The following ANKRD26 variants were observed in gnomAD, a reference collection of about 807,000 sequenced individuals.
The protein encoded by ANKRD26 is ankyrin repeat domain-containing protein 26.
ANKRD26 carries 141 observed loss-of-function variants against 208.7 expected under a neutral mutation model. The observed-to-expected ratio is 0.68, with a 90% CI of 0.59 to 0.78. ANKRD26 has a LOEUF of 0.78. ANKRD26 is among the 30% of genes least tolerant of loss of function. The pLI is 0.00. For missense variants in ANKRD26, 1,889 were observed against 1,938.7 expected (o/e 0.97, Z 0.48); for synonymous variants, 636 against 660.4 (o/e 0.96, Z 0.57).
At position 27,093,796 on chromosome 10, in the gene ANKRD26, C is replaced by T. The variant is rs753870421; in HGVS notation, c.246G>A (p.Thr82=). 24 of 1,612,738 alleles carry T rather than the reference C, an allele frequency of 1.5e-5. No individual in the cohort carries two copies. The Admixed American group carries it at 2.2e-4, about 15-fold the overall frequency. The change falls in exon 2 of 34, where the codon ACG becomes ACA. Residue 82 remains threonine (T), a synonymous_variant. Coordinates refer to ENST00000376087, the MANE Select transcript of ANKRD26 (RefSeq NM_014915.3). Reference sequence around the variant, plus strand: ...CATTGGCACAGGCCAAATGTAGAGCCGTCCTATGAGAGTGACAGGACTTTT... The same window carrying T: ...CATTGGCACAGGCCAAATGTAGAGCTGTCCTATGAGAGTGACAGGACTTTT... The part of the protein sequence containing the change: ...GLNDRDKMNR[T]ALHLACANGH...
chr10:26,959,456 C>G, the ANKRD26 span, among the ~76,000 whole-genome samples: 1 of 152,078 alleles, frequency 6.6e-6, no homozygotes, highest in Non-Finnish European at 1.5e-5. Context: ...ATGGCAGAAT[C>G]AGAAGTCCTT....
At chr10:26,999,555 C>T (rs2052672125), downstream of ANKRD26, among the ~76,000 whole-genome samples, 1 of 152,116 alleles carries the variant, frequency 6.6e-6, no homozygotes. Context: ...GGGTCAGCTC[C>T]TTATATGCAC....
intron 3 of ANKRD26, among the ~76,000 whole-genome samples, chr10:26,985,911 A>G (rs192325016): frequency 5.9e-5 from 9 of 152,344 alleles, no homozygotes; most frequent in Non-Finnish European, 8.8e-5. Flanking sequence ...CTTTCTTCAC[A>G]GAATTGGAAA....
intron 9 of ANKRD26, among the ~76,000 whole-genome samples, chr10:27,074,256 T>C (rs1461706791): frequency 6.6e-6 from 1 of 152,132 alleles, no homozygotes; most frequent in Admixed American, 6.5e-5. Context: ...AAGGGCAAGG[T>C]AAAAACCAAC....
At chr10:26,972,098 G>A (rs568433201), downstream of ANKRD26, among the ~76,000 whole-genome samples, 21 of 152,182 alleles carry the variant, frequency 1.4e-4, no homozygotes, top group South Asian at 4.1e-4. Flanking sequence ...AGCCAGGCGT[G>A]GTGGCGGGCG....
chr10:27,029,260 T>G, intron 26 of ANKRD26, 26 bp downstream of exon 26: 3 of 1,593,950 alleles, frequency 1.9e-6, no homozygotes, highest in Non-Finnish European at 2.6e-6. Flanking sequence ...TAATCATGTT[T>G]TTCTGTGTGC....
intron 29 of ANKRD26, among the ~76,000 whole-genome samples, chr10:27,018,402 G>A (rs148648853): frequency 0.019 from 2,832 of 151,822 alleles, 154 homozygotes; most frequent in East Asian, 0.16. Flanking sequence ...CCGAAGTGCT[G>A]GGATTACAGG....
intron 6 of ANKRD26, chr10:27,080,755 T>C (rs1362393394): frequency 1.0e-6 from 1 of 985,274 alleles, no homozygotes; most frequent in African/African-American, 1.7e-5. Context: ...GAGTAGAAGC[T>C]CTCTATATCT....
intron 13 of ANKRD26, 65 bp from the exon 14 acceptor site, chr10:27,060,605 T>C: frequency 8.3e-7 from 1 of 1,202,964 alleles, no homozygotes; most frequent in Non-Finnish European, 1.2e-6. Flanking sequence ...CATAAATTCA[T>C]GCAGTGTTAG....
At chr10:27,047,944 T>C (rs1287961039) in intron 17 of ANKRD26, among the ~76,000 whole-genome samples, 2 of 152,028 alleles carry the variant, frequency 1.3e-5, no homozygotes, top group Non-Finnish European at 2.9e-5. Context: ...GGTTTCACCA[T>C]GTTTTCCAGG....
intron 23 of ANKRD26, 69 bp from the exon 24 acceptor site, chr10:27,035,821 T>G: frequency 8.9e-7 from 1 of 1,122,992 alleles, no homozygotes; most frequent in Middle Eastern, 2.0e-4. Context: ...CCTCTGAAAT[T>G]AAAGAATAAA....
intron 24 of ANKRD26, 89 bp downstream of exon 24, chr10:27,034,706 AT>A: frequency 1.2e-6 from 1 of 811,804 alleles, no homozygotes; most frequent in Admixed American, 2.9e-5. Flanking sequence ...AAGCTTATCT[AT>A]TTATTTTTAT....
At chr10:27,071,205 G>A (rs1208368984) in intron 9 of ANKRD26, among the ~76,000 whole-genome samples, 1 of 116,400 alleles carries the variant, frequency 8.6e-6, no homozygotes, top group African/African-American at 3.5e-5. Flanking sequence ...TCGCTTTGTC[G>A]CCCAGGCTGG....
intron 5 of ANKRD26, among the ~76,000 whole-genome samples, chr10:26,976,894 C>T (rs1396325405): frequency 1.3e-5 from 2 of 152,122 alleles, no homozygotes; most frequent in East Asian, 3.9e-4. Flanking sequence ...GAACCTCACA[C>T]GTAAGAAATC....
chr10:26,951,019 CT>C, the ANKRD26 span, among the ~76,000 whole-genome samples: 44 of 48,594 alleles, frequency 9.1e-4, no homozygotes, highest in Non-Finnish European at 1.5e-3. Flanking sequence ...TTTTCTTTTT[CT>C]TTTTTTTTTT....
intron 21 of ANKRD26, among the ~76,000 whole-genome samples, chr10:27,038,994 T>A (rs1230635841): frequency 6.6e-6 from 1 of 152,180 alleles, no homozygotes; most frequent in Non-Finnish European, 1.5e-5. Context: ...TTTTAAAATC[T>A]CTTTTGGAAC....
intron 29 of ANKRD26, among the ~76,000 whole-genome samples, chr10:27,021,111 T>A (rs1370846123): frequency 6.6e-6 from 1 of 152,234 alleles, no homozygotes; most frequent in East Asian, 1.9e-4. Context: ...TTGGCACAGA[T>A]CCTGCATTCT....
downstream of ANKRD26, among the ~76,000 whole-genome samples, chr10:27,003,876 C>T (rs1412193257): frequency 6.6e-6 from 1 of 152,202 alleles, no homozygotes; most frequent in East Asian, 1.9e-4. Flanking sequence ...AGAAACGGAA[C>T]AATTGGACCA....
At chr10:26,999,910 G>C (rs2052683914), downstream of ANKRD26, among the ~76,000 whole-genome samples, 1 of 151,320 alleles carries the variant, frequency 6.6e-6, no homozygotes, top group Non-Finnish European at 1.5e-5. Flanking sequence ...TACAATTTCT[G>C]AGAACTCGAA....
Sources: gnomAD v4.1 joint callset for allele counts (sites outside exome capture counted in the v4.1 genomes callset) on GRCh38, gnomAD v4.1.1 for gene constraint, MANE v1.5 for transcripts, NCBI Gene and HGNC (gene_info 2026-07-23, HGNC 2026-07-21) for gene names.